Variants in C12orf56 observed in about 807,000 individuals in gnomAD.
The protein encoded by C12orf56 is chromosome 12 open reading frame 56, also known as uncharacterized protein C12orf56.
A neutral mutation model predicts 69.9 loss-of-function variants in C12orf56; 71 were observed. That is an observed-to-expected ratio of 1.02 (90% CI 0.84 to 1.24). C12orf56 has a LOEUF of 1.24. Ranked by LOEUF, C12orf56 falls within the 50% of genes most tolerant of loss-of-function variation. C12orf56 has a pLI of 0.00. For synonymous variants in C12orf56, 276 were observed against 274.1 expected (o/e 1.01, Z -0.07); for missense variants, 732 against 738.5 (o/e 0.99, Z 0.10).
intron 1 of C12orf56, among the ~76,000 whole-genome samples, chr12:64,360,241 A>G (rs1002512553): frequency 1.3e-5 from 2 of 151,462 alleles, no homozygotes; most frequent in African/African-American, 4.9e-5. Flanking sequence ...CCTGGCCAGC[A>G]TGGCGAAACC....
At chr12:64,318,333 G>C (rs962257867) in intron 4 of C12orf56, among the ~76,000 whole-genome samples, 1 of 152,072 alleles carries the variant, frequency 6.6e-6, no homozygotes, top group African/African-American at 2.4e-5. Context: ...AAAGTGCTGG[G>C]ATTACAGGAA....
chr12:64,378,879 C>T (rs1014331046), intron 1 of C12orf56, among the ~76,000 whole-genome samples: 1 of 151,880 alleles, frequency 6.6e-6, no homozygotes, highest in Non-Finnish European at 1.5e-5. Context: ...AGTGAAATCC[C>T]GTCTCAGTTA....
At chr12:64,378,296 T>C (rs1256834369) in intron 1 of C12orf56, among the ~76,000 whole-genome samples, 1 of 152,194 alleles carries the variant, frequency 6.6e-6, no homozygotes, top group African/African-American at 2.4e-5. Context: ...CATGTATCAG[T>C]TCTAGGTAGA....
At chr12:64,334,345 A>T (rs2136870819) in intron 2 of C12orf56, among the ~76,000 whole-genome samples, 1 of 152,292 alleles carries the variant, frequency 6.6e-6, no homozygotes, top group Admixed American at 6.5e-5. Flanking sequence ...ATTTTTAAAA[A>T]TTACACACAC....
chr12:64,314,043 CAAAAA>C (rs762340003), intron 4 of C12orf56, among the ~76,000 whole-genome samples: 1 of 67,092 alleles, frequency 1.5e-5, no homozygotes, highest in African/African-American at 5.6e-5. Flanking sequence ...AACTCTGTCT[CAAAAA>C]AAAAAAAAAA....
chr12:64,346,237 C>A (rs929071743), intron 2 of C12orf56, among the ~76,000 whole-genome samples: 2 of 152,130 alleles, frequency 1.3e-5, no homozygotes, highest in East Asian at 3.9e-4. Flanking sequence ...AACTGAAGAA[C>A]CTGGAGCCCG....
intron 6 of C12orf56, among the ~76,000 whole-genome samples, chr12:64,290,899 G>A (rs1338561048): frequency 1.0e-3 from 18 of 17,810 alleles, no homozygotes; most frequent in African/African-American, 1.8e-3. Context: ...CAATTCCTGG[G>A]TATCCTTGTT....
intron 6 of C12orf56, among the ~76,000 whole-genome samples, chr12:64,300,114 G>T (rs2038425284): frequency 6.6e-6 from 1 of 152,064 alleles, no homozygotes; most frequent in Admixed American, 6.6e-5. Context: ...GCAGAAAATG[G>T]CATTTGAGCT....
chr12:64,366,256 ATAATATACAGT>A (rs1353065423), intron 1 of C12orf56, among the ~76,000 whole-genome samples: 2 of 117,096 alleles, frequency 1.7e-5, no homozygotes, highest in African/African-American at 7.0e-5. Context: ...TATATTATAT[ATAATATACAGT>A]TTATATATTA....
intron 6 of C12orf56, among the ~76,000 whole-genome samples, chr12:64,294,687 G>C (rs1038810463): frequency 6.6e-6 from 1 of 152,062 alleles, no homozygotes; most frequent in Admixed American, 6.6e-5. Flanking sequence ...GGGGTGGGAT[G>C]GGGGAAAGAA....
At chr12:64,367,767 G>T (rs982844939) in intron 1 of C12orf56, among the ~76,000 whole-genome samples, 1 of 149,886 alleles carries the variant, frequency 6.7e-6, no homozygotes, top group Non-Finnish European at 1.5e-5. Flanking sequence ...GCCTCCCAAA[G>T]TGCTGGGATT....
intron 11 of C12orf56, among the ~76,000 whole-genome samples, chr12:64,272,223 G>A (rs969970416): frequency 1.1e-4 from 17 of 152,022 alleles, no homozygotes; most frequent in African/African-American, 3.4e-4. Flanking sequence ...AAATAAATGC[G>A]GCCAGGCACG....
At chr12:64,307,108 A>C (rs1263606865) in intron 5 of C12orf56, among the ~76,000 whole-genome samples, 1 of 152,200 alleles carries the variant, frequency 6.6e-6, no homozygotes, top group East Asian at 1.9e-4. Flanking sequence ...AGTCTGTTTT[A>C]TTACACAATT....
intron 8 of C12orf56, among the ~76,000 whole-genome samples, chr12:64,279,076 T>C (rs2038091636): frequency 6.6e-6 from 1 of 152,170 alleles, no homozygotes; most frequent in African/African-American, 2.4e-5. Context: ...GCATTTCTTT[T>C]TTTTAAATAT....
intron 1 of C12orf56, among the ~76,000 whole-genome samples, chr12:64,365,889 G>T (rs1289995443): frequency 4.5e-5 from 6 of 133,718 alleles, no homozygotes; most frequent in African/African-American, 1.7e-4. Flanking sequence ...TATATATAGT[G>T]TATATATTAT....
At chr12:64,325,903 A>C (rs1000467445) in intron 3 of C12orf56, among the ~76,000 whole-genome samples, 6 of 152,142 alleles carry the variant, frequency 3.9e-5, no homozygotes, top group African/African-American at 1.4e-4. Flanking sequence ...TTTTTATAGA[A>C]ATTCCAGGAC....
In C12orf56 at chr12:64,274,984, C is replaced by G; in HGVS notation, c.1510-9G>C. On this transcript the variant is annotated splice_polypyrimidine_tract_variant and intron_variant, in intron 10 of 12. Coordinates refer to ENST00000543942, the MANE Select transcript of C12orf56 (RefSeq NM_001170633.2). ...CCCAATCCGAGATTTCCCTAAAAGA[C>G]TCAAGGAAATAAACAAGTTATATTC... 2.5e-6 allele frequency: 4 copies of G among 1,598,614 alleles called. No individual in the cohort carries two copies. Among genetic ancestry groups the G allele is most frequent in the Middle Eastern group, 1.7e-4 (1 of 6,028 alleles).
At chr12:64,303,085 C>A (rs934838158) in intron 6 of C12orf56, among the ~76,000 whole-genome samples, 4 of 151,908 alleles carry the variant, frequency 2.6e-5, no homozygotes, top group Middle Eastern at 3.2e-3. Context: ...CCAACCTGGC[C>A]GACATGGTGA....
intron 2 of C12orf56, among the ~76,000 whole-genome samples, chr12:64,335,663 T>A (rs1386805202): frequency 6.6e-6 from 1 of 152,198 alleles, no homozygotes; most frequent in Non-Finnish European, 1.5e-5. Flanking sequence ...GTGCTAATTG[T>A]GACCCATGTA....
Sources: gnomAD v4.1 joint callset for allele counts (sites outside exome capture counted in the v4.1 genomes callset) on GRCh38, gnomAD v4.1.1 for gene constraint, MANE v1.5 for transcripts, NCBI Gene and HGNC (gene_info 2026-07-23, HGNC 2026-07-21) for gene names.